The following IFT46 variants were observed in gnomAD, a reference collection of about 807,000 sequenced individuals.
IFT46 encodes intraflagellar transport 46, also known as intraflagellar transport protein 46 homolog.
IFT46 carries 19 observed loss-of-function variants against 39.6 expected under a neutral mutation model. The observed-to-expected ratio is 0.48, with a 90% CI of 0.33 to 0.70. IFT46 has a LOEUF of 0.70. Ranked by LOEUF, IFT46 falls within the 30% of genes least tolerant of loss-of-function variation. IFT46 has a pLI of 0.01. For synonymous variants in IFT46, 117 were observed against 134.8 expected, an observed-to-expected ratio of 0.87 and a Z score of 0.91; for missense variants, 334 against 364.8, an observed-to-expected ratio of 0.92 and a Z score of 0.69.
chr11:118,563,888 T>G (rs1330253941), intron 2 of IFT46, among the ~76,000 whole-genome samples: 1 of 152,078 alleles, frequency 6.6e-6, no homozygotes, highest in Admixed American at 6.6e-5. Context: ...CCTTTAGGTC[T>G]TCCCTGACCA....
intron 7 of IFT46, 133 bp downstream of exon 7, chr11:118,554,326 G>A: frequency 1.2e-6 from 1 of 800,364 alleles, no homozygotes; most frequent in Non-Finnish European, 1.8e-6. Flanking sequence ...AAAGTGCTGG[G>A]ATTACAGGCG....
At chr11:118,561,381 C>A (rs1321430427) in intron 2 of IFT46, 3 of 845,930 alleles carry the variant, frequency 3.5e-6, no homozygotes, top group Admixed American at 3.4e-5. Flanking sequence ...AAGAGCGTAA[C>A]TCCAGACATG....
Position 118,551,821 on chromosome 11 carries a change from C to T in IFT46, c.637G>A (p.Glu213Lys). ...AGCTCTTCAAACTCCGGGGACCATT[C>T]CTGCATCAGCGTGTCAATGTCGGGC... ...PMPDIDTLMQEWSPEFEELLG... is the reference protein window; with the variant it reads ...PMPDIDTLMQKWSPEFEELLG... The change falls in exon 9 of 12, where the codon GAA (glutamate) becomes AAA (lysine). Residue 213 changes from glutamate to lysine, a missense_variant. Transcript: ENST00000264021. 1 of 1,614,138 alleles carries T rather than the reference C, an allele frequency of 6.2e-7. No homozygotes were observed. The highest frequency in any genetic ancestry group is 8.5e-7 in the Non-Finnish European group (1 of 1,180,024).
intron 2 of IFT46, among the ~76,000 whole-genome samples, chr11:118,563,794 C>T (rs1473170784): frequency 6.6e-6 from 1 of 152,166 alleles, no homozygotes; most frequent in Admixed American, 6.6e-5. Context: ...CAAGGTTTTT[C>T]ACATCTCACA....
Position 118,551,871 on chromosome 11 carries a change from A to G in IFT46, c.606-19T>C. The G allele has an allele frequency of 6.2e-7, 1 of 1,610,142 alleles. No homozygotes were observed. The highest frequency in any genetic ancestry group is 8.5e-7 in the Non-Finnish European group (1 of 1,176,422). On this transcript the variant is annotated intron_variant, in intron 8 of 11. Coordinates refer to ENST00000264021, the MANE Select transcript of IFT46 (RefSeq NM_001168618.2). Reference sequence around the variant, plus strand: ...CATGGGCCTAAAAGTATAAAGGTAAATATGAACAAGAAACGTGAACTGATA... The same window carrying G: ...CATGGGCCTAAAAGTATAAAGGTAAGTATGAACAAGAAACGTGAACTGATA...
intron 7 of IFT46, 130 bp from the exon 8 acceptor site, chr11:118,552,465 A>G (rs1937675890): frequency 9.4e-7 from 1 of 1,068,594 alleles, no homozygotes; most frequent in South Asian, 1.5e-5. Context: ...GTGAAACAGT[A>G]GCCAAATGAA....
At chr11:118,566,847 A>T (rs1938237885), upstream of IFT46, among the ~76,000 whole-genome samples, 1 of 152,236 alleles carries the variant, frequency 6.6e-6, no homozygotes, top group Admixed American at 6.5e-5. Flanking sequence ...CATTGGGTGG[A>T]TGAATCGAGG....
chr11:118,547,904 G>A (rs548451790), intron 9 of IFT46, among the ~76,000 whole-genome samples: 13 of 151,340 alleles, frequency 8.6e-5, no homozygotes, highest in East Asian at 1.9e-4. Flanking sequence ...CCGCCACAGC[G>A]CCCGGCTAAT....
chr11:118,551,081 A>G (rs558268127), intron 9 of IFT46, among the ~76,000 whole-genome samples: 89 of 150,866 alleles, frequency 5.9e-4, no homozygotes, highest in African/African-American at 2.1e-3. Flanking sequence ...CCACATATAC[A>G]TGGGTTTCCT....
In IFT46 at chr11:118,544,997, G is replaced by T; in HGVS notation, c.834C>A (p.Leu278=). 6.2e-7 allele frequency: 1 copy of T among 1,611,770 alleles called. No individual in the cohort carries two copies. ...GAGTGAATGCTTTCTTGCCTTCAGC[G>T]AGAGCTTTAAAATGCTGCAAGGAAG... The part of the protein sequence containing the change: ...EFKNSQHFKA[L]AEGKKAFTPS... The change falls in exon 12 of 12, where the codon CTC becomes CTA. Residue 278 remains leucine, a synonymous_variant. Transcript: ENST00000264021.
At chr11:118,561,687 G>A in intron 2 of IFT46, 1 of 288,228 alleles carries the variant, frequency 3.5e-6, no homozygotes, top group South Asian at 5.9e-5. Context: ...CCTCTAAATG[G>A]GGTCACTAAT....
At chr11:118,559,286 T>A (rs945086673) in intron 3 of IFT46, among the ~76,000 whole-genome samples, 9 of 152,108 alleles carry the variant, frequency 5.9e-5, no homozygotes, top group Admixed American at 2.0e-4. Context: ...GTACACAGAA[T>A]AACAGCAGCC....
chr11:118,569,177 G>A (rs1176301277), upstream of IFT46, among the ~76,000 whole-genome samples: 1 of 151,752 alleles, frequency 6.6e-6, no homozygotes, highest in Non-Finnish European at 1.5e-5. Context: ...TACTTGGGAG[G>A]CTAAGTCAGG....
intron 7 of IFT46, among the ~76,000 whole-genome samples, chr11:118,553,621 G>C (rs1455003430): frequency 2.0e-5 from 3 of 152,122 alleles, no homozygotes; most frequent in Non-Finnish European, 4.4e-5. Context: ...GCTAAACATA[G>C]AGTTTCCATA....
At position 118,564,531 on chromosome 11, in the gene IFT46, C is replaced by T. The variant is rs563990384; in HGVS notation, c.-36+434G>A. 1.0e-3 allele frequency among the ~76,000 whole-genome samples: 156 copies of T among 152,008 alleles called. 2 individuals are homozygous for T. Among genetic ancestry groups the T allele is most frequent in the African/African-American group, 3.4e-3 (141 of 41,438 alleles). On this transcript the variant is annotated intron_variant, in intron 2 of 11. Transcript: ENST00000264021. ...TTCAAGATCAGCCTTGGTAACATAG[C>T]GAGGCCTCGTCTCTATAAAATTAAG...
chr11:118,544,926 G>C lies in IFT46; in HGVS notation c.905C>G (p.Thr302Ser). 6.2e-7 allele frequency: 1 copy of C among 1,612,208 alleles called. No individual in the cohort carries two copies. The highest frequency in any genetic ancestry group is 8.5e-7 in the Non-Finnish European group (1 of 1,178,476). The change falls in exon 12 of 12, where the codon ACC (threonine) becomes AGC (serine). Residue 302 changes from threonine (T) to serine (S), a missense_variant. Thr to Ser is a moderately conservative substitution (Grantham distance 58). Coordinates refer to ENST00000264021, the MANE Select transcript of IFT46 (RefSeq NM_001168618.2). ...AGCTTGGGAAGTGTCTCAGCTGAAG[G>C]TTAATGTCTCCATGTCTCCAGCTTG... ...TSQAGDMETL[T>S]FS
chr11:118,553,137 T>A (rs530962904), intron 7 of IFT46, among the ~76,000 whole-genome samples: 1 of 151,376 alleles, frequency 6.6e-6, no homozygotes, highest in South Asian at 2.1e-4. Flanking sequence ...ATGGCAGGAC[T>A]GACCATAATG....
At chr11:118,557,906 T>C (rs368392484) in intron 3 of IFT46, 478 of 1,558,424 alleles carry the variant, frequency 3.1e-4, no homozygotes, top group African/African-American at 6.2e-4. Flanking sequence ...GGATGACCAA[T>C]TGGCCCCCTT....
At chr11:118,568,569 T>A (rs966075807), upstream of IFT46, among the ~76,000 whole-genome samples, 7 of 151,886 alleles carry the variant, frequency 4.6e-5, no homozygotes, top group South Asian at 2.1e-4. Flanking sequence ...AAATAAATAA[T>A]AAATAAATAA....
Sources: allele counts gnomAD v4.1 joint callset (sites outside exome capture counted in the v4.1 genomes callset), GRCh38; gene constraint gnomAD v4.1.1; transcripts MANE v1.5; gene names NCBI Gene and HGNC (gene_info 2026-07-23, HGNC 2026-07-21).